Variants in NBEA observed in about 807,000 individuals in gnomAD.
NBEA encodes lysosomal-trafficking regulator 2.
Under a neutral mutation model 343.4 loss-of-function variants are expected in NBEA, and 44 were observed. The ratio of observed to expected loss-of-function variants is 0.13; its 90% CI spans 0.10 to 0.16. NBEA has a LOEUF of 0.16. NBEA is among the 10% of genes least tolerant of loss of function. NBEA has a pLI of 1.00. For synonymous variants in NBEA, 1,175 were observed against 1,238.7 expected, an observed-to-expected ratio of 0.95 and a Z score of 1.08; for missense variants, 2,555 against 3,631.3, an observed-to-expected ratio of 0.70 and a Z score of 7.62.
At chr13:35,029,530 G>A (rs2062131831) in intron 1 of NBEA, among the ~76,000 whole-genome samples, 1 of 151,498 alleles carries the variant, frequency 6.6e-6, no homozygotes, top group African/African-American at 2.4e-5. Context: ...GAGTTAATTT[G>A]GGCTTTCTGA....
intron 48 of NBEA, among the ~76,000 whole-genome samples, chr13:35,627,350 A>G (rs1441417622): frequency 1.3e-5 from 2 of 152,148 alleles, no homozygotes; most frequent in African/African-American, 4.8e-5. Context: ...CACCATCACT[A>G]CTTATTTCAC....
chr13:35,650,869 A>T (rs1031355834), intron 52 of NBEA, among the ~76,000 whole-genome samples: 2 of 152,194 alleles, frequency 1.3e-5, no homozygotes, highest in African/African-American at 4.8e-5. Flanking sequence ...ATGCCGAAGT[A>T]ACCTGAATCT....
intron 45 of NBEA, among the ~76,000 whole-genome samples, chr13:35,569,599 T>G (rs1235174410): frequency 6.6e-6 from 1 of 152,196 alleles, no homozygotes; most frequent in Non-Finnish European, 1.5e-5. Flanking sequence ...TTATCACACA[T>G]GTGCTATATG....
chr13:35,463,865 G>A (rs1235805436), intron 40 of NBEA, among the ~76,000 whole-genome samples: 1 of 151,992 alleles, frequency 6.6e-6, no homozygotes, highest in African/African-American at 2.4e-5. Context: ...AGGACTAGTA[G>A]CACAGATAGA....
At chr13:35,418,302 G>T (rs1193443814) in intron 38 of NBEA, among the ~76,000 whole-genome samples, 1 of 151,872 alleles carries the variant, frequency 6.6e-6, no homozygotes, top group East Asian at 1.9e-4. Context: ...ATTTTCTATT[G>T]TTTTTTCTAT....
intron 34 of NBEA, among the ~76,000 whole-genome samples, chr13:35,254,211 A>G (rs1256295029): frequency 6.6e-6 from 1 of 151,974 alleles, no homozygotes; most frequent in Non-Finnish European, 1.5e-5. Flanking sequence ...ATTTGGTCCA[A>G]TTTTAGCCAG....
At chr13:34,976,512 C>T (rs2060180072) in intron 1 of NBEA, among the ~76,000 whole-genome samples, 1 of 152,152 alleles carries the variant, frequency 6.6e-6, no homozygotes, top group Non-Finnish European at 1.5e-5. Context: ...ACTCAGAAAT[C>T]ACCAGTAAAG....
intron 32 of NBEA, 26 bp from the exon 33 acceptor site, chr13:35,211,027 G>C: frequency 6.5e-7 from 1 of 1,542,364 alleles, no homozygotes; most frequent in Non-Finnish European, 8.7e-7. Flanking sequence ...TATGTTTAAG[G>C]CTAAAAATTA....
At chr13:35,628,335 G>T (rs2083312837) in intron 49 of NBEA, 87 bp downstream of exon 49, 2 of 1,049,222 alleles carry the variant, frequency 1.9e-6, no homozygotes, top group Non-Finnish European at 1.3e-6. Flanking sequence ...GTATAATTTT[G>T]TTTTCAACAT....
intron 36 of NBEA, among the ~76,000 whole-genome samples, chr13:35,335,314 G>T (rs886987563): frequency 6.6e-6 from 1 of 152,024 alleles, no homozygotes; most frequent in African/African-American, 2.4e-5. Flanking sequence ...GGATAGCTTT[G>T]GCTATTCTGG....
rs556522830 is a variant in NBEA, at chr13:34,978,924, A to G, written c.294+35810A>G. Among the ~76,000 whole-genome samples the G allele has an allele frequency of 3.3e-5, 5 of 152,250 alleles. No homozygotes were observed. The East Asian group carries it at 9.6e-4, about 29-fold the overall frequency. On this transcript the variant is annotated intron_variant, in intron 1 of 58. Transcript: ENST00000379939. ...CATTATGAATAAAACTTCCTTGAAT[A>G]TTCACCCATGAGTCATTTTAAGATT... is the stretch of plus-strand genomic sequence containing the variant.
At chr13:35,520,759 C>T (rs546014676) in intron 41 of NBEA, among the ~76,000 whole-genome samples, 2 of 152,268 alleles carry the variant, frequency 1.3e-5, no homozygotes, top group South Asian at 2.1e-4. Flanking sequence ...AGTCTTCTGG[C>T]GTCTCACAAC....
chr13:34,945,664 G>A (rs1282304489), intron 1 of NBEA, among the ~76,000 whole-genome samples: 1 of 152,036 alleles, frequency 6.6e-6, no homozygotes, highest in Non-Finnish European at 1.5e-5. Context: ...AGAAAAGAAA[G>A]GAGAACTAAT....
intron 1 of NBEA, among the ~76,000 whole-genome samples, chr13:35,037,095 C>A (rs989543462): frequency 9.9e-5 from 15 of 151,992 alleles, no homozygotes; most frequent in African/African-American, 3.1e-4. Flanking sequence ...GGTTTTTATT[C>A]TTTTTTCTCC....
At chr13:35,494,460 T>C (rs188037275) in intron 41 of NBEA, among the ~76,000 whole-genome samples, 17 of 152,048 alleles carry the variant, frequency 1.1e-4, no homozygotes, top group Admixed American at 8.5e-4. Context: ...AGAATCGTGG[T>C]TTTTCCCATT....
At chr13:35,271,119 A>C (rs764047218) in intron 34 of NBEA, among the ~76,000 whole-genome samples, 1 of 152,004 alleles carries the variant, frequency 6.6e-6, no homozygotes, top group Non-Finnish European at 1.5e-5. Flanking sequence ...CACCTCATAC[A>C]GGTGGATGCC....
chr13:35,357,360 G>A lies in NBEA; in HGVS notation c.6179+5037G>A, dbSNP rs536109328. On this transcript the variant is annotated intron_variant, in intron 38 of 58. Transcript: ENST00000379939. ...GTGCAGGTTTGTTACATAGGAACACGTGTGGGGGTTTGTTATATAGATTAT... is the reference window on the plus strand; with the variant it reads ...GTGCAGGTTTGTTACATAGGAACACATGTGGGGGTTTGTTATATAGATTAT... Among the ~76,000 whole-genome samples the A allele has an allele frequency of 1.3e-4, 19 of 151,756 alleles. No individual in the cohort carries two copies. In the Middle Eastern group the frequency reaches 0.01, roughly 82 times the overall value.
intron 49 of NBEA, among the ~76,000 whole-genome samples, chr13:35,639,078 A>T (rs1028581719): frequency 2.6e-5 from 4 of 152,132 alleles, no homozygotes; most frequent in African/African-American, 4.8e-5. Flanking sequence ...GTCCCTTTTT[A>T]CTCGGATTAC....
intron 34 of NBEA, among the ~76,000 whole-genome samples, chr13:35,258,372 G>T (rs1487119385): frequency 6.6e-6 from 1 of 151,646 alleles, no homozygotes; most frequent in African/African-American, 2.4e-5. Flanking sequence ...CATCATGTTG[G>T]TCAGGCTGGT....
Sources: allele counts gnomAD v4.1 joint callset (sites outside exome capture counted in the v4.1 genomes callset), GRCh38; gene constraint gnomAD v4.1.1; transcripts MANE v1.5; gene names NCBI Gene and HGNC (gene_info 2026-07-23, HGNC 2026-07-21).